Variants in OSBP2 observed in about 807,000 individuals in gnomAD.
OSBP2 encodes the protein oxysterol binding protein 2.
Under a neutral mutation model 96.0 loss-of-function variants are expected in OSBP2, and 66 were observed. That is an observed-to-expected ratio of 0.69 (90% CI 0.56 to 0.84). The LOEUF (loss-of-function observed/expected upper bound fraction) is 0.84, where lower values mean the gene tolerates loss of function less well. Among genes scored for constraint, OSBP2 ranks in the 40% least tolerant of loss-of-function variants. The pLI is 0.00. For synonymous variants in OSBP2, 525 were observed against 520.9 expected (o/e 1.01, Z -0.11); for missense variants, 1,038 against 1,222.7 (o/e 0.85, Z 2.25).
At position 30,906,462 on chromosome 22, in the gene OSBP2, CT is replaced by C; in HGVS notation, c.*124del. ...TTCCCAGCCCTTCCTATTTCCTTTC[CT>C]ATTTTTTTTTTCTCCCCACACTTTC... On this transcript the variant is annotated 3_prime_UTR_variant, in exon 14 of 14. Coordinates refer to ENST00000332585, the MANE Select transcript of OSBP2 (RefSeq NM_030758.4). The C allele has an allele frequency of 8.0e-7, 1 of 1,252,126 alleles. No individual in the cohort carries two copies. Among genetic ancestry groups the C allele is most frequent in the Non-Finnish European group, 1.1e-6 (1 of 945,050 alleles). 77.6% of individuals were successfully genotyped at this position (1,252,126 alleles called of 1,614,324 possible).
At chr22:30,835,603 C>A (rs2038613462) in intron 2 of OSBP2, among the ~76,000 whole-genome samples, 1 of 152,110 alleles carries the variant, frequency 6.6e-6, no homozygotes, top group East Asian at 1.9e-4. Flanking sequence ...GGAGACCATA[C>A]TGGTATTTTC....
intron 2 of OSBP2, among the ~76,000 whole-genome samples, chr22:30,866,168 G>T (rs1219276972): frequency 3.3e-5 from 5 of 152,226 alleles, no homozygotes; most frequent in Admixed American, 3.3e-4. Flanking sequence ...CTTAGATGGC[G>T]AAAGGGATGT....
intron 12 of OSBP2, chr22:30,902,807 A>T (rs1056913412): frequency 1.5e-5 from 6 of 391,628 alleles, no homozygotes; most frequent in African/African-American, 1.0e-4. Context: ...GGAATGGAAC[A>T]TGGGGGGTTG....
At chr22:30,831,465 A>G (rs2038521074) in intron 2 of OSBP2, among the ~76,000 whole-genome samples, 1 of 152,152 alleles carries the variant, frequency 6.6e-6, no homozygotes, top group South Asian at 2.1e-4. Context: ...GCCAGACAGG[A>G]CTTCTTGGGA....
intron 2 of OSBP2, among the ~76,000 whole-genome samples, chr22:30,869,952 C>G (rs900723106): frequency 6.6e-6 from 1 of 152,126 alleles, no homozygotes; most frequent in African/African-American, 2.4e-5. Context: ...GAGCAGAGAG[C>G]AAAGTGAGGT....
At chr22:30,741,964 C>T (rs920712046) in intron 2 of OSBP2, among the ~76,000 whole-genome samples, 3 of 151,814 alleles carry the variant, frequency 2.0e-5, no homozygotes, top group South Asian at 2.1e-4. Context: ...GGATTATAGG[C>T]GCACACCACC....
chr22:30,891,031 C>G (rs894393484), intron 8 of OSBP2, 58 bp downstream of exon 8: 1 of 1,564,558 alleles, frequency 6.4e-7, no homozygotes, highest in Admixed American at 1.7e-5. Flanking sequence ...CAAGCTGTTC[C>G]TGCCAGGCCC....
At chr22:30,894,185 A>G (rs2040015957) in intron 12 of OSBP2, 184 bp downstream of exon 12, 1 of 603,500 alleles carries the variant, frequency 1.7e-6, no homozygotes, top group African/African-American at 1.9e-5. Context: ...ATGTGAAACT[A>G]TCAAACACTA....
chr22:30,798,022 C>T (rs1280922993), intron 2 of OSBP2, among the ~76,000 whole-genome samples: 1 of 152,202 alleles, frequency 6.6e-6, no homozygotes, highest in African/African-American at 2.4e-5. Context: ...CTATTTTCCA[C>T]AGCAGCTGCT....
At chr22:30,744,333 G>A (rs779044011) in intron 2 of OSBP2, among the ~76,000 whole-genome samples, 5 of 152,166 alleles carry the variant, frequency 3.3e-5, no homozygotes, top group African/African-American at 1.2e-4. Context: ...GGGCCTGGCT[G>A]ATGGTGGCCA....
chr22:30,725,181 C>CA (rs2089623937), intron 1 of OSBP2, among the ~76,000 whole-genome samples: 1 of 135,742 alleles, frequency 7.4e-6, no homozygotes, highest in Non-Finnish European at 1.6e-5. Flanking sequence ...GTCTCAAAAA[C>CA]AAAAAAACAA....
intron 2 of OSBP2, among the ~76,000 whole-genome samples, chr22:30,779,869 G>A (rs2090492363): frequency 6.6e-6 from 1 of 152,140 alleles, no homozygotes; most frequent in African/African-American, 2.4e-5. Context: ...GTGAAGGCTG[G>A]TCCTTGCTGC....
chr22:30,822,653 AC>A, intron 2 of OSBP2: 1 of 1,534,038 alleles, frequency 6.5e-7, no homozygotes, highest in Non-Finnish European at 8.7e-7. Context: ...GGCTGCTGGG[AC>A]ACGGCCTCCG....
chr22:30,901,726 G>A (rs1055045515), intron 12 of OSBP2, among the ~76,000 whole-genome samples: 14 of 152,184 alleles, frequency 9.2e-5, no homozygotes, highest in East Asian at 7.7e-4. Flanking sequence ...TTAGCCAGGC[G>A]TGGTGGCACA....
chr22:30,867,489 C>G (rs1181359258), intron 2 of OSBP2, among the ~76,000 whole-genome samples: 1 of 152,300 alleles, frequency 6.6e-6, no homozygotes, highest in Non-Finnish European at 1.5e-5. Flanking sequence ...CTCATTCCCT[C>G]TCTCTCTTGT....
rs1004356565 is a variant in OSBP2 at position 30,796,239 on chromosome 22, T to G, written c.853+54870T>G. ...GCTTCTTGGTGACTGCTGAGGGAAATGCTGATCTCCTGGGCTGGATCGACC... is the reference window on the plus strand; with the variant it reads ...GCTTCTTGGTGACTGCTGAGGGAAAGGCTGATCTCCTGGGCTGGATCGACC... On this transcript the variant is annotated intron_variant, in intron 2 of 13. Coordinates refer to ENST00000332585, the MANE Select transcript of OSBP2 (RefSeq NM_030758.4). Among the ~76,000 whole-genome samples, 21 of 152,112 alleles carry G rather than the reference T, an allele frequency of 1.4e-4. 1 individual carries two copies. The highest frequency in any genetic ancestry group is 3.9e-4 in the East Asian group (2 of 5,180).
At chr22:30,899,918 G>A (rs926065887) in intron 12 of OSBP2, among the ~76,000 whole-genome samples, 2 of 152,106 alleles carry the variant, frequency 1.3e-5, no homozygotes, top group African/African-American at 2.4e-5. Flanking sequence ...ATTAATATAC[G>A]AAAGCCAGTT....
At chr22:30,791,321 C>CTTTTTTTT (rs869143598) in intron 2 of OSBP2, among the ~76,000 whole-genome samples, 2 of 63,998 alleles carry the variant, frequency 3.1e-5, no homozygotes, top group Non-Finnish European at 2.8e-5. Context: ...GGGGATTCTT[C>CTTTTTTTT]TTTTTTTTTT....
chr22:30,771,632 C>T (rs2090348142), intron 2 of OSBP2, among the ~76,000 whole-genome samples: 1 of 152,230 alleles, frequency 6.6e-6, no homozygotes, highest in African/African-American at 2.4e-5. Flanking sequence ...AGGCTGTCTT[C>T]ATTTGTCAGC....
Sources: gnomAD v4.1 joint callset for allele counts (sites outside exome capture counted in the v4.1 genomes callset) on GRCh38, gnomAD v4.1.1 for gene constraint, MANE v1.5 for transcripts, NCBI Gene and HGNC (gene_info 2026-07-23, HGNC 2026-07-21) for gene names.